Variants in GRAMD2B observed in about 807,000 individuals in gnomAD.
GRAMD2B encodes the protein GRAM domain-containing protein 2B.
In GRAMD2B, 41 loss-of-function variants were observed where a neutral mutation model predicts 59.2. The ratio of observed to expected loss-of-function variants is 0.69; its 90% CI spans 0.54 to 0.90. The LOEUF (loss-of-function observed/expected upper bound fraction) is 0.90. Ranked by LOEUF, GRAMD2B falls within the 40% of genes least tolerant of loss-of-function variation. The pLI, the probability that GRAMD2B is intolerant of heterozygous loss-of-function variation, is 0.00. For missense variants in GRAMD2B, 424 were observed against 500.5 expected (o/e 0.85, Z 1.46); for synonymous variants, 161 against 182.7 (o/e 0.88, Z 0.96).
In GRAMD2B at chr5:126,400,060, A is replaced by AT. The variant is rs568443074; in HGVS notation, c.125+28504dup. On this transcript the variant is annotated intron_variant, in intron 1 of 8. Coordinates refer to the GRAMD2B transcript ENST00000506445. ...CCTTTGTTCCTTTCTTTGTGATTTG[A>AT]TTTTTTTTTTTGATAGCGGTATGTT... 2.7e-3 allele frequency among the ~76,000 whole-genome samples: 397 copies of AT among 145,232 alleles called. 3 individuals carry two copies. The highest frequency in any genetic ancestry group is 4.7e-3 in the Admixed American group (69 of 14,624).
chr5:126,486,907 A>G lies in GRAMD2B; in HGVS notation c.1093A>G (p.Arg365Gly), dbSNP rs1173577627. Reference protein sequence around the residue: ...CALIISTFYMRYRINTLEEQL... With the variant: ...CALIISTFYMGYRINTLEEQL... ...ACTAATCATCTCGACCTTCTACATG[A>G]GATACAGAATTAATACTCTGGAGGA... Residue 365 changes from arginine to glycine, a missense_variant, in exon 12 of 14, where the codon AGA becomes GGA. Transcript: ENST00000285689. 1.2e-6 allele frequency: 2 copies of G among 1,612,490 alleles called. No homozygotes were observed. Among genetic ancestry groups the G allele is most frequent in the Admixed American group, 3.3e-5 (2 of 59,970 alleles).
chr5:126,421,597 C>G (rs1479620477), upstream of GRAMD2B, among the ~76,000 whole-genome samples: 1 of 152,210 alleles, frequency 6.6e-6, no homozygotes, highest in Admixed American at 6.5e-5. Flanking sequence ...ACTAAGCCAA[C>G]TCTTCTGGAA....
chr5:126,442,293 CTTT>C (rs11325974), intron 1 of GRAMD2B, among the ~76,000 whole-genome samples: 1 of 140,980 alleles, frequency 7.1e-6, no homozygotes, highest in Non-Finnish European at 1.5e-5. Flanking sequence ...TCTTTTTTTT[CTTT>C]TTTTTTTTTT....
chr5:126,489,717 A>G (rs1435411302), intron 13 of GRAMD2B, among the ~76,000 whole-genome samples: 3 of 152,190 alleles, frequency 2.0e-5, no homozygotes, highest in Non-Finnish European at 4.4e-5. Context: ...CCCAGAAATA[A>G]ACCTGATTTA....
At chr5:126,470,635 T>C (rs1173075680) in intron 3 of GRAMD2B, among the ~76,000 whole-genome samples, 1 of 152,104 alleles carries the variant, frequency 6.6e-6, no homozygotes, top group Non-Finnish European at 1.5e-5. Flanking sequence ...CTTGGCTCAC[T>C]GCAACCTCCA....
At chr5:126,374,706 G>T (rs2149695679) in intron 1 of GRAMD2B, among the ~76,000 whole-genome samples, 1 of 152,190 alleles carries the variant, frequency 6.6e-6, no homozygotes, top group South Asian at 2.1e-4. Context: ...TTCCTTTTCT[G>T]ATGTGAATTA....
chr5:126,448,559 A>T (rs904064488), intron 1 of GRAMD2B, among the ~76,000 whole-genome samples: 4 of 152,216 alleles, frequency 2.6e-5, no homozygotes, highest in African/African-American at 9.6e-5. Context: ...CACAGAGCAC[A>T]GTGATCTTCC....
chr5:126,432,830 A>G (rs912955128), intron 1 of GRAMD2B, among the ~76,000 whole-genome samples: 3 of 152,242 alleles, frequency 2.0e-5, no homozygotes, highest in Non-Finnish European at 4.4e-5. Context: ...AAAATTTTAG[A>G]AAGAATGACA....
In GRAMD2B at chr5:126,372,762, A is replaced by C. The variant is rs146161163; in HGVS notation, c.125+1195A>C. On this transcript the variant is annotated intron_variant, in intron 1 of 8. Coordinates refer to the GRAMD2B transcript ENST00000506445. ...AGAGAAAAAATAAAAATAAAATAAA[A>C]TGTAAAACTCATCCATTATTTCCAT... is the stretch of plus-strand genomic sequence containing the variant. Among the ~76,000 whole-genome samples, 432 of 152,284 alleles carry C rather than the reference A, an allele frequency of 2.8e-3. 2 individuals are homozygous for C. The highest frequency in any genetic ancestry group is 4.5e-3 in the Non-Finnish European group (304 of 67,994).
chr5:126,370,644 G>A (rs879329811), upstream of GRAMD2B, among the ~76,000 whole-genome samples: 1 of 152,248 alleles, frequency 6.6e-6, no homozygotes, highest in South Asian at 2.1e-4. Context: ...ATTCTCCTAC[G>A]TATTTCATTC....
intron 11 of GRAMD2B, 94 bp from the exon 12 acceptor site, chr5:126,486,779 T>A: frequency 1.4e-6 from 1 of 692,840 alleles, no homozygotes; most frequent in Non-Finnish European, 2.6e-6. Context: ...GAAAATACCT[T>A]GCCTCGGGTG....
At chr5:126,469,984 T>C (rs1308406970) in intron 3 of GRAMD2B, among the ~76,000 whole-genome samples, 196 bp downstream of exon 3, 3 of 152,202 alleles carry the variant, frequency 2.0e-5, no homozygotes, top group African/African-American at 7.2e-5. Flanking sequence ...ACAACTCATT[T>C]TTCAGCACAT....
chr5:126,458,157 A>G (rs4240396), intron 1 of GRAMD2B, among the ~76,000 whole-genome samples: 131,292 of 151,918 alleles, frequency 0.86, 57,942 homozygotes, highest in East Asian at 0.99. Flanking sequence ...GGACTGGGCC[A>G]GGCACAGTGG....
chr5:126,371,913 C>T (rs1043938908), intron 1 of GRAMD2B, among the ~76,000 whole-genome samples: 47 of 152,026 alleles, frequency 3.1e-4, no homozygotes, highest in African/African-American at 1.1e-3. Context: ...AACCCCAAAT[C>T]GACTTTGGTA....
chr5:126,444,038 G>A (rs920845530), intron 1 of GRAMD2B, among the ~76,000 whole-genome samples: 20 of 151,532 alleles, frequency 1.3e-4, no homozygotes, highest in African/African-American at 4.8e-4. Flanking sequence ...GGCAAGAAGA[G>A]TGAAACTCCA....
chr5:126,393,285 A>T (rs1274047975), intron 1 of GRAMD2B, among the ~76,000 whole-genome samples: 1 of 152,226 alleles, frequency 6.6e-6, no homozygotes, highest in Non-Finnish European at 1.5e-5. Flanking sequence ...TTTATTTCAC[A>T]GGTCTTCCAA....
intron 11 of GRAMD2B, among the ~76,000 whole-genome samples, chr5:126,486,372 C>T (rs940961572): frequency 3.9e-5 from 6 of 152,226 alleles, no homozygotes; most frequent in African/African-American, 7.2e-5. Context: ...TTGTCCTCAT[C>T]CCCTTTACCA....
At position 126,432,209 on chromosome 5, in the gene GRAMD2B, G is replaced by A. The variant is rs903863952; in HGVS notation, c.83+8520G>A. On this transcript the variant is annotated intron_variant, in intron 1 of 13. Coordinates refer to ENST00000285689, the MANE Select transcript of GRAMD2B (RefSeq NM_023927.4). ...CTCCCAAAGTGCTGGGATTACAGGC[G>A]TGAGCCACCATAACCAGCCCTAGTG... Among the ~76,000 whole-genome samples the A allele has an allele frequency of 2.6e-5, 4 of 152,148 alleles. No homozygotes were observed. The East Asian group carries it at 5.8e-4, about 22-fold the overall frequency.
At chr5:126,418,914 T>TA (rs1641805937), upstream of GRAMD2B, among the ~76,000 whole-genome samples, 1 of 152,216 alleles carries the variant, frequency 6.6e-6, no homozygotes, top group Non-Finnish European at 1.5e-5. Context: ...GGAATTCTTT[T>TA]ACTTATAAAA....
Sources: gnomAD v4.1 joint callset for allele counts (sites outside exome capture counted in the v4.1 genomes callset) on GRCh38, gnomAD v4.1.1 for gene constraint, MANE v1.5 for transcripts, NCBI Gene and HGNC (gene_info 2026-07-23, HGNC 2026-07-21) for gene names.